DOK1: variants seen among roughly 807,000 people sequenced by gnomAD.
DOK1 encodes the protein docking protein 1, also known as Downstream of tyrosine kinase 1.
A neutral mutation model predicts 24.0 loss-of-function variants in DOK1; 12 were observed. That is an observed-to-expected ratio of 0.50 (90% confidence interval 0.32 to 0.81). The LOEUF (loss-of-function observed/expected upper bound fraction) is 0.81. DOK1 is among the 30% of genes least tolerant of loss of function. The pLI, the probability that DOK1 is intolerant of heterozygous loss-of-function variation, is 0.03. For synonymous variants in DOK1, 250 were observed against 260.9 expected (o/e 0.96, Z 0.40); for missense variants, 591 against 620.7 (o/e 0.95, Z 0.51).
chr2:74,557,053 A>G lies in DOK1; in HGVS notation c.1385A>G (p.Asp462Gly). 1 of 1,613,620 alleles carries G rather than the reference A, an allele frequency of 6.2e-7. No individual in the cohort carries two copies. Residue 462 changes from aspartate (D) to glycine (G), a missense_variant, in exon 5 of 5, where the codon GAC (aspartate) becomes GGC (glycine). Asp to Gly is a moderately conservative substitution (Grantham distance 94). Coordinates refer to ENST00000233668, the MANE Select transcript of DOK1 (RefSeq NM_001381.5). ...AAGAGCGGGGCCTCAGGGAGCTGGG[A>G]CTGTGGGCTCTCTAGAGTAGGGACT... ...VQKSGASGSW[D>G]CGLSRVGTDK...
chr2:74,550,178 T>C, upstream of DOK1: 2 of 1,611,802 alleles, frequency 1.2e-6, no homozygotes, highest in Non-Finnish European at 1.7e-6. Flanking sequence ...GTCTAGGAAA[T>C]GCAGACCTCA....
upstream of DOK1, chr2:74,550,210 C>T (rs769189437): frequency 1.9e-6 from 3 of 1,613,918 alleles, no homozygotes. Context: ...GTCCGAGAAG[C>T]CAGGGAGGCG....
In DOK1 at chr2:74,555,707, A is replaced by G; in HGVS notation, c.454+39A>G. The G allele has an allele frequency of 6.2e-7, 1 of 1,612,770 alleles. No homozygotes were observed. The highest frequency in any genetic ancestry group is 8.5e-7 in the Non-Finnish European group (1 of 1,179,608). ...AAGCCCGGGCAGGGATGGAGTGAAG[A>G]GGAGGAGGGCCGAGGGCCTTTGGGA... is the stretch of plus-strand genomic sequence containing the variant. On this transcript the variant is annotated intron_variant, in intron 3 of 4. Transcript: ENST00000233668. This position sits in a 1 kb window ranked among gnomAD's most constrained non-coding sequence, Gnocchi z 6.1.
chr2:74,550,269 G>GT (rs1166079811), upstream of DOK1: 1 of 1,614,068 alleles, frequency 6.2e-7, no homozygotes, highest in East Asian at 2.2e-5. Context: ...TACAGTCACT[G>GT]TTCCCCCAGC....
upstream of DOK1, chr2:74,550,368 G>A (rs200178697): frequency 2.4e-5 from 39 of 1,609,340 alleles, no homozygotes; most frequent in Admixed American, 5.0e-5. Context: ...GGGAGATGAA[G>A]GGACAGAGAA....
chr2:74,554,345 C>A (rs1445618150), upstream of DOK1: 1 of 189,664 alleles, frequency 5.3e-6, no homozygotes, highest in Non-Finnish European at 1.1e-5. This position sits in a 1 kb window ranked among gnomAD's most constrained non-coding sequence, Gnocchi z 4.9. Context: ...TGGGGGCGGG[C>A]CCGGCCAGGG....
upstream of DOK1, chr2:74,552,945 C>G: frequency 1.2e-5 from 4 of 328,100 alleles, no homozygotes; most frequent in South Asian, 8.8e-5. Flanking sequence ...GCAAGAGACA[C>G]GTAGAGAGAG....
chr2:74,552,409 G>C (rs1387914909), upstream of DOK1: 1 of 1,613,674 alleles, frequency 6.2e-7, no homozygotes, highest in Non-Finnish European at 8.5e-7. Context: ...GCAGCCTGCA[G>C]CGTGAAGTCA....
upstream of DOK1, among the ~76,000 whole-genome samples, chr2:74,550,931 C>A (rs1179217431): frequency 6.6e-6 from 1 of 151,456 alleles, no homozygotes; most frequent in Non-Finnish European, 1.5e-5. Context: ...CTGTCTGAAA[C>A]CTGTTTTTTT....
At chr2:74,551,513 T>C (rs1253374339), upstream of DOK1, among the ~76,000 whole-genome samples, 2 of 152,262 alleles carry the variant, frequency 1.3e-5, no homozygotes, top group Non-Finnish European at 2.9e-5. Flanking sequence ...AAACAACCAT[T>C]ACGCCATTGC....
rs777617357 is a variant in DOK1, at chr2:74,555,562, C to CTCTT, written c.361-10_361-9insTTCT. On this transcript the variant is annotated splice_polypyrimidine_tract_variant and intron_variant, in intron 2 of 4. Coordinates refer to ENST00000233668, the MANE Select transcript of DOK1 (RefSeq NM_001381.5). This position sits in a 1 kb window ranked among gnomAD's most constrained non-coding sequence, Gnocchi z 6.1. ...TGAGGAAATTACGGGTTTCTCGATG[C>CTCTT]TCTCTACTACAGAAAGGCAGCTGGA... 6.3e-7 allele frequency: 1 copy of CTCTT among 1,598,890 alleles called. No homozygotes were observed. The highest frequency in any genetic ancestry group is 1.6e-5 in the African/African-American group (1 of 62,018).
rs145784646 is a variant in DOK1 at position 74,555,595 on chromosome 2, G to T, written c.381G>T (p.Ala127=). The T allele has an allele frequency of 3.3e-5, 54 of 1,614,190 alleles. No homozygotes were observed. In the African/African-American group the frequency reaches 6.4e-4, roughly 19 times the overall value. ...TACAGAAAGGCAGCTGGACTCTGGC[G>T]CCTACCGATAACCCACCTAAGCTTT... is the stretch of plus-strand genomic sequence containing the variant. ...NAFPKGSWTL[A]PTDNPPKLSA... is the part of the protein sequence containing the mutation. Residue 127 remains alanine, a synonymous_variant, in exon 3 of 5, where the codon GCG becomes GCT. Coordinates refer to ENST00000233668, the MANE Select transcript of DOK1 (RefSeq NM_001381.5). This position sits in a 1 kb window ranked among gnomAD's most constrained non-coding sequence, Gnocchi z 6.1.
At position 74,555,043 on chromosome 2, in the gene DOK1, G is replaced by T; in HGVS notation, c.61-111G>T. ...CTTGGGAAACTTCGCCCCCAACCCC[G>T]TTTGGAAGCCCCAGATCCCAAATCG... On this transcript the variant is annotated intron_variant, in intron 1 of 4. Coordinates refer to ENST00000233668, the MANE Select transcript of DOK1 (RefSeq NM_001381.5). The surrounding 1 kb of genome is among the most constrained non-coding windows in gnomAD (Gnocchi z 6.1). The T allele has an allele frequency of 1.4e-6, 2 of 1,443,244 alleles. No individual in the cohort carries two copies. The highest frequency in any genetic ancestry group is 1.3e-5 in the South Asian group (1 of 74,818). The allele number at this position is 1,443,244 out of a possible 1,614,324, so 89.4% of individuals were successfully genotyped here.
rs1244466931 is a variant in DOK1, at chr2:74,554,944, A to G, written c.60+130A>G. The G allele has an allele frequency of 6.7e-7, 1 of 1,496,578 alleles. No individual in the cohort carries two copies. Among genetic ancestry groups the G allele is most frequent in the East Asian group, 2.5e-5 (1 of 40,808 alleles). 92.7% of individuals were successfully genotyped at this position (1,496,578 alleles called of 1,614,324 possible). A position where few individuals can be genotyped will look rare whatever the true frequency, so the allele number is the denominator to read the frequency against. ...TGGAGAGCCTGTGACTTTCCCGTGA[A>G]GTTGCTTTGCACACTCCCGGGAAGC... On this transcript the variant is annotated intron_variant, in intron 1 of 4. Coordinates refer to ENST00000233668, the MANE Select transcript of DOK1 (RefSeq NM_001381.5). The surrounding 1 kb of genome is among the most constrained non-coding windows in gnomAD (Gnocchi z 4.9).
At chr2:74,552,670 T>TGCGTG (rs1677094217), upstream of DOK1, 1 of 1,487,014 alleles carries the variant, frequency 6.7e-7, no homozygotes, top group Non-Finnish European at 9.0e-7. Context: ...AGACAAAGTG[T>TGCGTG]GCGTGAGAGA....
At position 74,549,507 on chromosome 2, in the gene DOK1, G is replaced by A. The variant is rs1467895088; in HGVS notation, c.-358+335G>A. The A allele has an allele frequency of 1.2e-6, 2 of 1,613,708 alleles. No individual in the cohort carries two copies. Among genetic ancestry groups the A allele is most frequent in the South Asian group, 2.2e-5 (2 of 91,034 alleles). ...AAGCCTGACTTCCACCAGCCCCTCCGTCACGGGCAGGGGTCGTCTGCCCCA... is the reference window on the plus strand; with the variant it reads ...AAGCCTGACTTCCACCAGCCCCTCCATCACGGGCAGGGGTCGTCTGCCCCA... On this transcript the variant is annotated intron_variant, in intron 1 of 4. Transcript: ENST00000409429. This position sits in a 1 kb window ranked among gnomAD's most constrained non-coding sequence, Gnocchi z 5.3.
upstream of DOK1, among the ~76,000 whole-genome samples, chr2:74,550,729 A>C (rs1276619917): frequency 6.6e-6 from 1 of 152,150 alleles, no homozygotes; most frequent in East Asian, 1.9e-4. Context: ...CTGCCAGAAC[A>C]CTGTTTTATA....
Position 74,549,384 on chromosome 2 carries a change from T to A in DOK1, c.-358+212T>A. The A allele has an allele frequency of 6.2e-7, 1 of 1,608,000 alleles. No individual in the cohort carries two copies. Among genetic ancestry groups the A allele is most frequent in the Non-Finnish European group, 8.5e-7 (1 of 1,177,144 alleles). ...GGCCCCTCACCTGTAGAAGGCCGCG[T>A]TGACCCTCTTTTCGCTGGGGAAGCC... On this transcript the variant is annotated intron_variant, in intron 1 of 4. Coordinates refer to the DOK1 transcript ENST00000409429. This position sits in a 1 kb window ranked among gnomAD's most constrained non-coding sequence, Gnocchi z 5.3.
rs776401704 is a variant in DOK1, at chr2:74,555,345, C to A, written c.252C>A (p.Pro84=). Residue 84 remains proline (P), a synonymous_variant, in exon 2 of 5, where the codon CCC becomes CCA. Transcript: ENST00000233668. This position sits in a 1 kb window ranked among gnomAD's most constrained non-coding sequence, Gnocchi z 6.1. ...APVTVETPPE[P]GATAFRLDTA... ...TCACCGTGGAGACCCCCCCTGAGCC[C>A]GGCGCCACTGCCTTCCGCCTGGACA... 2 of 1,613,770 alleles carry A rather than the reference C, an allele frequency of 1.2e-6. No individual in the cohort carries two copies. The highest frequency in any genetic ancestry group is 2.7e-5 in the African/African-American group (2 of 74,934).
Sources: allele counts gnomAD v4.1 joint callset (sites outside exome capture counted in the v4.1 genomes callset), GRCh38; gene constraint gnomAD v4.1.1; non-coding constraint Gnocchi (gnomAD v3.1); transcripts MANE v1.5; gene names NCBI Gene and HGNC (gene_info 2026-07-23, HGNC 2026-07-21).